Variants in RAB11FIP2 observed in about 807,000 individuals in gnomAD.
RAB11FIP2 encodes RAB11 family interacting protein 2, also known as rab11 family-interacting protein 2.
RAB11FIP2 carries 16 observed loss-of-function variants against 40.9 expected under a neutral mutation model. The ratio of observed to expected loss-of-function variants is 0.39; its 90% CI spans 0.26 to 0.59. The LOEUF (loss-of-function observed/expected upper bound fraction) is 0.59. Ranked by LOEUF, RAB11FIP2 falls within the 20% of genes least tolerant of loss-of-function variation. The pLI is 0.53. For missense variants in RAB11FIP2, 532 were observed against 606.2 expected (o/e 0.88, Z 1.28); for synonymous variants, 228 against 213.7 (o/e 1.07, Z -0.58).
Position 118,046,434 on chromosome 10 carries a change from CT to C in RAB11FIP2, c.-272del. The C allele has an allele frequency of 2.4e-6, 1 of 412,844 alleles. No individual in the cohort carries two copies. Among genetic ancestry groups the C allele is most frequent in the Non-Finnish European group, 4.3e-6 (1 of 231,266 alleles). 25.6% of individuals were successfully genotyped at this position (412,844 alleles called of 1,614,324 possible). A position where few individuals can be genotyped will look rare whatever the true frequency, so the allele number is the denominator to read the frequency against. On this transcript the variant is annotated 5_prime_UTR_variant, in exon 1 of 5. Coordinates refer to ENST00000355624, the MANE Select transcript of RAB11FIP2 (RefSeq NM_014904.3). ...CAGGCCTCTGCGCGGACCCCCGCCCCTGTCTCCACCTTCCCCAGGCCTGCGG... is the reference window on the plus strand; with the variant it reads ...CAGGCCTCTGCGCGGACCCCCGCCCCGTCTCCACCTTCCCCAGGCCTGCGG...
At chr10:118,036,640 TA>T (rs979582364) in intron 3 of RAB11FIP2, among the ~76,000 whole-genome samples, 1 of 152,180 alleles carries the variant, frequency 6.6e-6, no homozygotes, top group African/African-American at 2.4e-5. Context: ...GTTTTACATT[TA>T]CCACACGGAT....
intron 1 of RAB11FIP2, chr10:118,043,525 T>C (rs1351697192): frequency 6.6e-6 from 1 of 152,142 alleles, no homozygotes; most frequent in African/African-American, 2.4e-5. Context: ...AGACCCTTTT[T>C]CCCCATTCCT....
intron 1 of RAB11FIP2, among the ~76,000 whole-genome samples, chr10:118,042,925 A>G (rs773783760): frequency 3.9e-5 from 6 of 152,232 alleles, no homozygotes; most frequent in Non-Finnish European, 7.3e-5. Context: ...TGAAAATGAC[A>G]TAATAGGGAA....
At chr10:118,039,577 G>C in intron 2 of RAB11FIP2, 137 bp from the exon 3 acceptor site, 1 of 749,036 alleles carries the variant, frequency 1.3e-6, no homozygotes, top group Admixed American at 2.9e-5. Context: ...AAAAATCAAG[G>C]AAACAATCTT....
intron 3 of RAB11FIP2, among the ~76,000 whole-genome samples, chr10:118,030,538 A>G (rs1396767014): frequency 1.3e-5 from 2 of 152,146 alleles, no homozygotes; most frequent in Non-Finnish European, 2.9e-5. Context: ...AGAGGTCCTA[A>G]CAACACATTA....
chr10:118,026,362 G>T (rs372815422), intron 3 of RAB11FIP2, among the ~76,000 whole-genome samples: 117 of 152,212 alleles, frequency 7.7e-4, no homozygotes, highest in African/African-American at 2.7e-3. Flanking sequence ...AAAATACAAT[G>T]AATATTATTT....
At chr10:118,011,538 T>C (rs926720445) in intron 4 of RAB11FIP2, among the ~76,000 whole-genome samples, 4 of 145,012 alleles carry the variant, frequency 2.8e-5, no homozygotes, top group African/African-American at 1.0e-4. Context: ...TAGTGTAGAG[T>C]TCGGTATACT....
chr10:118,012,365 A>C (rs1035760509), intron 4 of RAB11FIP2, among the ~76,000 whole-genome samples: 1 of 151,964 alleles, frequency 6.6e-6, no homozygotes, highest in African/African-American at 2.4e-5. Flanking sequence ...TCTAGGCAGG[A>C]AAACATCTTA....
rs1290337549 is a variant in RAB11FIP2, at chr10:118,008,885, A to G, written c.*113T>C. 6 of 832,024 alleles carry G rather than the reference A, an allele frequency of 7.2e-6. No homozygotes were observed. Among genetic ancestry groups the G allele is most frequent in the Admixed American group, 2.6e-5 (1 of 38,774 alleles). The allele number at this position is 832,024 out of a possible 1,614,324, so 51.5% of individuals were successfully genotyped here. ...GTAAAACTACTCTTCACAATAAAGG[A>G]GAATATGTAATGAAACCTGATAGTG... On this transcript the variant is annotated 3_prime_UTR_variant, in exon 5 of 5. Transcript: ENST00000355624.
chr10:118,043,503 G>C (rs953697469), intron 1 of RAB11FIP2: 2 of 152,074 alleles, frequency 1.3e-5, no homozygotes, highest in African/African-American at 4.8e-5. Flanking sequence ...CCCACTCAAA[G>C]GGTTCTGGCT....
intron 3 of RAB11FIP2, among the ~76,000 whole-genome samples, chr10:118,037,870 C>A (rs759562967): frequency 2.0e-5 from 3 of 152,006 alleles, no homozygotes; most frequent in Admixed American, 6.6e-5. Context: ...GTCCCCTATA[C>A]AAAATGGTAC....
At position 118,045,810 on chromosome 10, in the gene RAB11FIP2, C is replaced by G; in HGVS notation, c.353+1G>C. ...AATTCAAAATAAATTACATAACTTA[C>G]TCTGTTTTCCTTCTTTGTTTGTCCT... On this transcript the variant is annotated splice_donor_variant, in intron 1 of 4. Transcript: ENST00000355624. LOFTEE classifies it high-confidence loss of function. The G allele has an allele frequency of 1.3e-6, 2 of 1,584,344 alleles. No homozygotes were observed. Among genetic ancestry groups the G allele is most frequent in the Non-Finnish European group, 8.6e-7 (1 of 1,163,142 alleles).
Position 118,008,954 on chromosome 10 carries a change from TTCTC to T in RAB11FIP2, c.*40_*43del, listed in dbSNP as rs777562130. On this transcript the variant is annotated 3_prime_UTR_variant, in exon 5 of 5. Coordinates refer to ENST00000355624, the MANE Select transcript of RAB11FIP2 (RefSeq NM_014904.3). ...AGTTTTTCCTTCCTTCCTTCTTTCT[TTCTC>T]TCTCTTTGTCCAATTATCAATACAA... The T allele has an allele frequency of 1.1e-5, 17 of 1,479,122 alleles. No homozygotes were observed. The highest frequency in any genetic ancestry group is 2.4e-5 in the South Asian group (2 of 84,750). The allele number at this position is 1,479,122 out of a possible 1,614,324, so 91.6% of individuals were successfully genotyped here.
chr10:118,036,057 G>C (rs573410388), intron 3 of RAB11FIP2, among the ~76,000 whole-genome samples: 1 of 151,754 alleles, frequency 6.6e-6, no homozygotes, highest in African/African-American at 2.4e-5. Flanking sequence ...TTAACACTAA[G>C]GAATAAAAAG....
chr10:118,015,843 A>C (rs1404947811), intron 3 of RAB11FIP2, among the ~76,000 whole-genome samples: 5 of 152,194 alleles, frequency 3.3e-5, no homozygotes, highest in Admixed American at 6.5e-5. Flanking sequence ...GGTGCTATTC[A>C]AGTTTAATTT....
chr10:118,040,664 A>C, intron 1 of RAB11FIP2, 99 bp from the exon 2 acceptor site: 2 of 816,900 alleles, frequency 2.4e-6, no homozygotes, highest in Admixed American at 3.0e-5. Flanking sequence ...GTAACTATAC[A>C]TCAAGGCAAC....
At chr10:118,043,292 T>C (rs1177235334) in intron 1 of RAB11FIP2, 1 of 152,158 alleles carries the variant, frequency 6.6e-6, no homozygotes, top group Non-Finnish European at 1.5e-5. Flanking sequence ...CTACAGACTC[T>C]GGTTGTTATT....
At chr10:118,011,245 G>A (rs1589636494) in intron 4 of RAB11FIP2, among the ~76,000 whole-genome samples, 1 of 152,074 alleles carries the variant, frequency 6.6e-6, no homozygotes, top group Non-Finnish European at 1.5e-5. Flanking sequence ...GGAAACAGAT[G>A]TAAGTTTCAG....
chr10:118,011,319 T>C (rs1011240461), intron 4 of RAB11FIP2, among the ~76,000 whole-genome samples: 2 of 152,080 alleles, frequency 1.3e-5, no homozygotes, highest in Non-Finnish European at 2.9e-5. Flanking sequence ...AGGACAATTC[T>C]AGAGATAAGT....
Sources: gnomAD v4.1 joint callset for allele counts (sites outside exome capture counted in the v4.1 genomes callset) on GRCh38, gnomAD v4.1.1 for gene constraint, MANE v1.5 for transcripts, NCBI Gene and HGNC (gene_info 2026-07-23, HGNC 2026-07-21) for gene names.